The following TYW1B variants were observed in gnomAD, a reference collection of about 807,000 sequenced individuals.
The protein encoded by TYW1B is S-adenosyl-L-methionine-dependent tRNA 4-demethylwyosine synthase TYW1B.
A neutral mutation model predicts 86.9 loss-of-function variants in TYW1B; 73 were observed. The ratio of observed to expected loss-of-function variants is 0.84; its 90% CI spans 0.70 to 1.02. The LOEUF (loss-of-function observed/expected upper bound fraction) is 1.02, where lower values mean the gene tolerates loss of function less well. TYW1B is among the 50% of genes least tolerant of loss of function. TYW1B has a pLI of 0.00. For synonymous variants in TYW1B, 248 were observed against 292.8 expected (o/e 0.85, Z 1.56); for missense variants, 637 against 827.4 (o/e 0.77, Z 2.82).
intron 7 of TYW1B, among the ~76,000 whole-genome samples, chr7:72,758,472 A>C (rs1787631865): frequency 6.6e-6 from 1 of 151,788 alleles, no homozygotes; most frequent in Non-Finnish European, 1.5e-5. Flanking sequence ...CTTAGAAAAA[A>C]ATTTTTCTCT....
At chr7:72,753,390 C>G (rs754785064) in intron 7 of TYW1B, among the ~76,000 whole-genome samples, 2 of 151,684 alleles carry the variant, frequency 1.3e-5, no homozygotes, top group Non-Finnish European at 2.9e-5. Flanking sequence ...GTATCATTAC[C>G]ATGTTTCAAC....
chr7:72,648,891 GAA>G (rs1422183969), intron 11 of TYW1B, among the ~76,000 whole-genome samples: 2 of 152,148 alleles, frequency 1.3e-5, no homozygotes, highest in East Asian at 1.9e-4. Context: ...AGCAGAATGT[GAA>G]AAAGAGGTAC....
chr7:72,681,876 C>T (rs578061380), intron 11 of TYW1B, among the ~76,000 whole-genome samples: 3 of 151,640 alleles, frequency 2.0e-5, no homozygotes, highest in East Asian at 3.9e-4. Flanking sequence ...TGAGCCACCG[C>T]ACCCGGCCGT....
chr7:72,774,381 G>GAAAA (rs35641958), intron 7 of TYW1B, among the ~76,000 whole-genome samples: 4 of 124,904 alleles, frequency 3.2e-5, no homozygotes, highest in Non-Finnish European at 4.8e-5. Flanking sequence ...TGTCCCAGGG[G>GAAAA]AAAAAAAAAA....
chr7:72,767,880 T>G (rs1199424939), intron 7 of TYW1B, among the ~76,000 whole-genome samples: 11 of 152,116 alleles, frequency 7.2e-5, no homozygotes, highest in African/African-American at 2.2e-4. Flanking sequence ...AGAGGTGGGA[T>G]AAATCTTAAC....
intron 12 of TYW1B, among the ~76,000 whole-genome samples, chr7:72,618,128 A>G (rs1285757158): frequency 6.6e-6 from 1 of 151,876 alleles, no homozygotes. Flanking sequence ...CCTCTCATAC[A>G]CATTCACTCA....
At chr7:72,761,351 T>C (rs1554467146) in intron 7 of TYW1B, among the ~76,000 whole-genome samples, 1 of 152,132 alleles carries the variant, frequency 6.6e-6, no homozygotes, top group Non-Finnish European at 1.5e-5. Flanking sequence ...TGAATATGTA[T>C]AATTCTATAT....
intron 7 of TYW1B, among the ~76,000 whole-genome samples, chr7:72,754,824 C>T (rs782227604): frequency 3.3e-5 from 5 of 152,088 alleles, no homozygotes; most frequent in Admixed American, 2.6e-4. Flanking sequence ...TGTAGTAATG[C>T]CAGACTATGT....
intron 11 of TYW1B, among the ~76,000 whole-genome samples, chr7:72,681,821 G>A (rs1554448520): frequency 2.0e-5 from 3 of 151,424 alleles, no homozygotes; most frequent in Non-Finnish European, 2.9e-5. Flanking sequence ...TCCTGAACTC[G>A]TGATCCACCC....
intron 6 of TYW1B, among the ~76,000 whole-genome samples, chr7:72,792,869 T>C (rs1489100545): frequency 1.3e-5 from 2 of 152,180 alleles, no homozygotes; most frequent in South Asian, 2.1e-4. Flanking sequence ...ATGATCCCAT[T>C]TGTGTAGCCA....
At position 72,770,730 on chromosome 7, in the gene TYW1B, CT is replaced by C. The variant is rs560655671; in HGVS notation, c.964+6685del. Among the ~76,000 whole-genome samples the C allele has an allele frequency of 2.0e-4, 30 of 152,156 alleles. No individual in the cohort carries two copies. In the South Asian group the frequency reaches 5.4e-3, roughly 27 times the overall value. On this transcript the variant is annotated intron_variant, in intron 7 of 13. Transcript: ENST00000620995. ...AGTCTTGTGAAGAATGCACATAGTA[CT>C]TTTTTTCATAATAGCCAAAAATTAA... is the stretch of plus-strand genomic sequence containing the variant.
chr7:72,678,873 G>T (rs1374170015), intron 11 of TYW1B, among the ~76,000 whole-genome samples: 1 of 151,818 alleles, frequency 6.6e-6, no homozygotes, highest in Non-Finnish European at 1.5e-5. Flanking sequence ...AAGGTAGGAG[G>T]ATCACTTGAG....
rs782736209 is a variant in TYW1B at position 72,616,797 on chromosome 7, T to C, written c.1660A>G (p.Met554Val). The change falls in exon 13 of 14, where the codon ATG becomes GTG. Residue 554 changes from methionine (M) to valine (V), a missense_variant. By Grantham distance (21) the Met-to-Val change is conservative. Coordinates refer to ENST00000620995, the MANE Select transcript of TYW1B (RefSeq NM_001145440.3). ...TCCTCATGCCAGGGCACATGGGCCA[T>C]GGTAAGACTGCTTGCTGAACTTTCT... is the stretch of plus-strand genomic sequence containing the variant. ...CRESSASSLT[M>V]AHVPWHEEVV... 1.2e-6 allele frequency: 2 copies of C among 1,614,188 alleles called. No homozygotes were observed. Among genetic ancestry groups the C allele is most frequent in the East Asian group, 4.5e-5 (2 of 44,884 alleles).
Position 72,712,321 on chromosome 7 carries a change from A to G in TYW1B, c.1370+1300T>C, listed in dbSNP as rs1379905849. Among the ~76,000 whole-genome samples, 2 of 152,022 alleles carry G rather than the reference A, an allele frequency of 1.3e-5. 1 individual carries two copies. Among genetic ancestry groups the G allele is most frequent in the East Asian group, 3.9e-4 (2 of 5,182 alleles). Reference sequence around the variant, plus strand: ...AGCAGTTTGCCAATCATACCTAGCAATCCTCCAATAGCATCTTTTTTTTTG... The same window carrying G: ...AGCAGTTTGCCAATCATACCTAGCAGTCCTCCAATAGCATCTTTTTTTTTG... On this transcript the variant is annotated intron_variant, in intron 10 of 13. Coordinates refer to ENST00000620995, the MANE Select transcript of TYW1B (RefSeq NM_001145440.3).
intron 9 of TYW1B, among the ~76,000 whole-genome samples, chr7:72,724,728 G>C (rs377058760): frequency 3.9e-4 from 60 of 152,172 alleles, no homozygotes; most frequent in East Asian, 2.3e-3. Context: ...ATGTTATCAA[G>C]TCAATCCATT....
chr7:72,584,981 AAAT>A (rs1328909475), intron 13 of TYW1B, among the ~76,000 whole-genome samples: 19 of 152,180 alleles, frequency 1.2e-4, no homozygotes, highest in Admixed American at 5.9e-4. Flanking sequence ...CCTTCTCAGA[AAAT>A]AATAACCAAA....
At chr7:72,599,017 A>G (rs1420000811) in intron 13 of TYW1B, among the ~76,000 whole-genome samples, 1 of 152,206 alleles carries the variant, frequency 6.6e-6, no homozygotes, top group Non-Finnish European at 1.5e-5. Flanking sequence ...GAAGCAGAGG[A>G]AACACTTCCT....
chr7:72,577,727 G>A (rs1392240803), intron 13 of TYW1B, among the ~76,000 whole-genome samples: 6 of 152,062 alleles, frequency 3.9e-5, no homozygotes, highest in Admixed American at 3.3e-4. Flanking sequence ...GACGGCCTGA[G>A]ACTGTGCCGA....
intron 11 of TYW1B, among the ~76,000 whole-genome samples, chr7:72,642,160 A>C (rs1401035653): frequency 2.0e-5 from 3 of 152,314 alleles, no homozygotes; most frequent in East Asian, 1.9e-4. Flanking sequence ...GTACTGAGAC[A>C]ACTAGTTATT....
Sources: gnomAD v4.1 joint callset for allele counts (sites outside exome capture counted in the v4.1 genomes callset) on GRCh38, gnomAD v4.1.1 for gene constraint, MANE v1.5 for transcripts, NCBI Gene and HGNC (gene_info 2026-07-23, HGNC 2026-07-21) for gene names.